Variants in PDZD4 observed in about 807,000 individuals in gnomAD.
PDZD4 encodes PDZ domain containing 4.
PDZD4 carries 9 observed loss-of-function variants against 38.5 expected under a neutral mutation model. The observed-to-expected ratio is 0.23, with a 90% CI of 0.14 to 0.41. The LOEUF (loss-of-function observed/expected upper bound fraction) is 0.41, where lower values mean the gene tolerates loss of function less well. Among genes scored for constraint, PDZD4 ranks in the 10% least tolerant of loss-of-function variants. PDZD4 has a pLI of 1.00. For synonymous variants in PDZD4, 349 were observed against 315.7 expected, an observed-to-expected ratio of 1.11 and a Z score of -1.12; for missense variants, 612 against 722.0, an observed-to-expected ratio of 0.85 and a Z score of 1.75.
At position 153,803,403 on chromosome X, in the gene PDZD4, C is replaced by T; in HGVS notation, c.2278G>A (p.Ala760Thr). 2 of 1,142,864 alleles carry T rather than the reference C, an allele frequency of 1.7e-6. No individual in the cohort carries two copies. Among genetic ancestry groups the T allele is most frequent in the South Asian group, 2.1e-5 (1 of 47,267 alleles). 94.2% of individuals were successfully genotyped at this position (1,142,864 alleles called of 1,213,427 possible). A position where few individuals can be genotyped will look rare whatever the true frequency, so the allele number is the denominator to read the frequency against. Reference protein sequence around the residue: ...QEMLAHGARSADGKRVYNPLL... With the variant: ...QEMLAHGARSTDGKRVYNPLL... The stretch of plus-strand genomic sequence containing the variant: ...GGGTTGTAGACCCGCTTGCCATCGG[C>T]GGAGCGCGCGCCGTGGGCCAGCATC... The change falls in exon 8 of 8, where the codon GCC becomes ACC. Residue 760 changes from alanine to threonine, a missense_variant. Ala to Thr is a moderately conservative substitution (Grantham distance 58, BLOSUM62 0). Coordinates refer to ENST00000393758, the MANE Select transcript of PDZD4 (RefSeq NM_001303512.2).
chrX:153,806,078 A>T lies in PDZD4; in HGVS notation c.560T>A (p.Ile187Asn). 1 of 1,211,732 alleles carries T rather than the reference A, an allele frequency of 8.3e-7. No homozygotes were observed. Among genetic ancestry groups the T allele is most frequent in the Non-Finnish European group, 1.1e-6 (1 of 895,457 alleles). Residue 187 changes from isoleucine (I) to asparagine (N), a missense_variant, in exon 5 of 8, where the codon ATC becomes AAC. By Grantham distance (149) the Ile-to-Asn change is moderately radical. This residue lies in a region of PDZD4 where 225 missense variants were observed against 311.0 expected (regional missense o/e 0.72). Transcript: ENST00000393758. ...CAGCCTGCAAGTGCTCACCTGGATG[A>T]TGCGGTCTCCCTCACGGATCCGGCC... ...KDGRIREGDR[I>N]IQINGVDVQN...
chrX:153,812,607 C>T (rs1276866968), intron 1 of PDZD4, among the ~76,000 whole-genome samples: 6 of 110,947 alleles, frequency 5.4e-5, no homozygotes, highest in Non-Finnish European at 7.6e-5. Flanking sequence ...GAAGCCTTCT[C>T]GCTCTCTCTC....
At chrX:153,818,493 G>A (rs983504891) in intron 1 of PDZD4, among the ~76,000 whole-genome samples, 1 of 111,508 alleles carries the variant, frequency 9.0e-6, no homozygotes, top group Non-Finnish European at 1.9e-5. Context: ...GCAAAAGCAT[G>A]AGATGGAGGA....
chrX:153,808,360 G>C lies in PDZD4; in HGVS notation c.296C>G (p.Pro99Arg). Residue 99 changes from proline (P) to arginine (R), a missense_variant, in exon 2 of 8, where the codon CCG becomes CGG. Pro to Arg is a moderately radical substitution (Grantham distance 103). Coordinates refer to ENST00000393758, the MANE Select transcript of PDZD4 (RefSeq NM_001303512.2). ...PPTPPMVILE[P>R]YVLSELPPIS... ...GACTCACAGCTCAGAGAGGACGTACGGCTCCAGGATGACCATGGGCGGGGT... is the reference window on the plus strand; with the variant it reads ...GACTCACAGCTCAGAGAGGACGTACCGCTCCAGGATGACCATGGGCGGGGT... 1 of 1,209,430 alleles carries C rather than the reference G, an allele frequency of 8.3e-7. No homozygotes were observed. Among genetic ancestry groups the C allele is most frequent in the Non-Finnish European group, 1.1e-6 (1 of 894,494 alleles).
At position 153,804,252 on chromosome X, in the gene PDZD4, A is replaced by C; in HGVS notation, c.1429T>G (p.Tyr477Asp). Residue 477 changes from tyrosine (Y) to aspartate (D), a missense_variant, in exon 8 of 8, where the codon TAC becomes GAC. By Grantham distance (160) the Tyr-to-Asp change is radical. Around this residue, in one of 3 missense-constraint regions of PDZD4, gnomAD observed 300 missense variants for 284.6 expected, o/e 1.05. Coordinates refer to ENST00000393758, the MANE Select transcript of PDZD4 (RefSeq NM_001303512.2). ...CTGCGGCAGCTCTCCCCAGTGTTGT[A>C]GGCGCTGGTGCTGTCCTTGTCCGAC... ...EKSDKDSTSAYNTGESCRSTP... is the reference protein window; with the variant it reads ...EKSDKDSTSADNTGESCRSTP... 1 of 1,208,351 alleles carries C rather than the reference A, an allele frequency of 8.3e-7. No individual in the cohort carries two copies. Among genetic ancestry groups the C allele is most frequent in the Non-Finnish European group, 1.1e-6 (1 of 894,654 alleles).
intron 1 of PDZD4, among the ~76,000 whole-genome samples, chrX:153,825,228 AC>A (rs2064468723): frequency 9.0e-6 from 1 of 111,615 alleles, no homozygotes; most frequent in Admixed American, 9.5e-5. Context: ...GTCCTGACCC[AC>A]TCCCCCTGTA....
rs2092187632 is a variant in PDZD4 at position 153,803,422 on chromosome X, C to T, written c.2259G>A (p.Leu753=). 1 of 1,146,053 alleles carries T rather than the reference C, an allele frequency of 8.7e-7. No homozygotes were observed. Among genetic ancestry groups the T allele is most frequent in the Middle Eastern group, 2.5e-4 (1 of 4,023 alleles). The allele number at this position is 1,146,053 out of a possible 1,213,427, so 94.4% of individuals were successfully genotyped here. ...CATCGGCGGAGCGCGCGCCGTGGGCCAGCATCTCCTGGATGGTGATCCAGT... is the reference window on the plus strand; with the variant it reads ...CATCGGCGGAGCGCGCGCCGTGGGCTAGCATCTCCTGGATGGTGATCCAGT... ...LDNWITIQEM[L]AHGARSADGK... The change falls in exon 8 of 8, where the codon CTG becomes CTA. Residue 753 remains leucine, a synonymous_variant. Coordinates refer to ENST00000393758, the MANE Select transcript of PDZD4 (RefSeq NM_001303512.2).
At chrX:153,808,238 C>T (rs1484017815) in intron 2 of PDZD4, 104 bp downstream of exon 2, 9 of 1,083,641 alleles carry the variant, frequency 8.3e-6, no homozygotes, top group Admixed American at 7.1e-5. Flanking sequence ...TTCTGGAGGC[C>T]GAGGGGCCTG....
intron 1 of PDZD4, among the ~76,000 whole-genome samples, chrX:153,809,536 G>A (rs573036168): frequency 2.7e-4 from 30 of 112,551 alleles, no homozygotes; most frequent in African/African-American, 8.1e-4. Context: ...GCAGTGAGCC[G>A]AGATCGCACC....
Position 153,807,282 on chromosome X carries a change from A to G in PDZD4, c.402T>C (p.Tyr134=), listed in dbSNP as rs2064261474. 8.3e-7 allele frequency: 1 copy of G among 1,209,469 alleles called. No homozygotes were observed. Residue 134 remains tyrosine (Y), a synonymous_variant, in exon 3 of 8, where the codon TAT becomes TAC. Transcript: ENST00000393758. ...CTGGCCTGGCCACCCGGCTCACCTC[A>G]TACTCCAGCTCATCCAAGCGGTCTG... ...QEADRLDELE[Y]EEVELYKSSH...
chrX:153,821,083 G>A (rs2064418404), intron 1 of PDZD4, among the ~76,000 whole-genome samples: 1 of 112,295 alleles, frequency 8.9e-6, no homozygotes, highest in Non-Finnish European at 1.9e-5. Flanking sequence ...GGACAAAGAG[G>A]TGACAGGCCC....
chrX:153,829,925 T>G (rs1339513252), intron 1 of PDZD4: 1 of 815,566 alleles, frequency 1.2e-6, no homozygotes, highest in African/African-American at 2.2e-5. Context: ...TCCCCCGCCC[T>G]GGGTCCTGCG....
At position 153,803,938 on chromosome X, in the gene PDZD4, G is replaced by A; in HGVS notation, c.1743C>T (p.Gly581=). 1 of 1,167,663 alleles carries A rather than the reference G, an allele frequency of 8.6e-7. No homozygotes were observed. The highest frequency in any genetic ancestry group is 1.1e-6 in the Non-Finnish European group (1 of 875,059). ...PYLSRRHRGQ[G]QEGEHYHSCV... is the part of the protein sequence containing the mutation. Reference sequence around the variant, plus strand: ...AGCTGTGGTAGTGCTCGCCCTCCTGGCCCTGGCCGCGGTGGCGCCGCGAGA... The same window carrying A: ...AGCTGTGGTAGTGCTCGCCCTCCTGACCCTGGCCGCGGTGGCGCCGCGAGA... The change falls in exon 8 of 8, where the codon GGC becomes GGT. Residue 581 remains glycine (G), a synonymous_variant. Coordinates refer to ENST00000393758, the MANE Select transcript of PDZD4 (RefSeq NM_001303512.2).
In PDZD4 at chrX:153,804,491, C is replaced by A. The variant is rs781935062; in HGVS notation, c.1190G>T (p.Arg397Leu). Residue 397 changes from arginine to leucine, a missense_variant, in exon 8 of 8, where the codon CGC becomes CTC. Transcript: ENST00000393758. ...CATCTCGTGGCCCAGGCTCTCGTTGCGGTTGACGTCCAGGGCGCTGTTGCC... is the reference window on the plus strand; with the variant it reads ...CATCTCGTGGCCCAGGCTCTCGTTGAGGTTGACGTCCAGGGCGCTGTTGCC... ...SGGNSALDVN[R>L]NESLGHEMAM... is the part of the protein sequence containing the mutation. 2 of 1,210,152 alleles carry A rather than the reference C, an allele frequency of 1.7e-6. No homozygotes were observed. Among genetic ancestry groups the A allele is most frequent in the Admixed American group, 4.3e-5 (2 of 46,125 alleles).
intron 1 of PDZD4, among the ~76,000 whole-genome samples, chrX:153,821,640 T>C (rs782224316): frequency 1.8e-5 from 2 of 111,188 alleles, no homozygotes; most frequent in Admixed American, 1.9e-4. Flanking sequence ...CCAGGCCCCA[T>C]GCTAGTGGCT....
At chrX:153,805,736 T>A in intron 5 of PDZD4, 130 bp from the exon 6 acceptor site, 2 of 532,862 alleles carry the variant, frequency 3.8e-6, no homozygotes, top group South Asian at 2.7e-5. Flanking sequence ...TGGGAGGATG[T>A]AACTAAGTGG....
rs146551513 is a variant in PDZD4, at chrX:153,803,572, G to C, written c.2109C>G (p.Phe703Leu). The change falls in exon 8 of 8, where the codon TTC (phenylalanine) becomes TTG (leucine). Residue 703 changes from phenylalanine to leucine, a missense_variant. Coordinates refer to ENST00000393758, the MANE Select transcript of PDZD4 (RefSeq NM_001303512.2). ...GGCACTCCAGCCGGCTCTGCATCATGAACTCGCGCCGCTTCCGCTGCTCAC... is the reference window on the plus strand; with the variant it reads ...GGCACTCCAGCCGGCTCTGCATCATCAACTCGCGCCGCTTCCGCTGCTCAC... ...RAREQRKRRE[F>L]MMQSRLECLR... 448 of 1,209,050 alleles carry C rather than the reference G, an allele frequency of 3.7e-4. 1 individual carries two copies. The African/African-American group carries it at 6.9e-3, about 19-fold the overall frequency.
At chrX:153,825,235 C>T (rs1252695282) in intron 1 of PDZD4, among the ~76,000 whole-genome samples, 1 of 112,439 alleles carries the variant, frequency 8.9e-6, no homozygotes, top group Admixed American at 9.4e-5. Flanking sequence ...CCCACTCCCC[C>T]TGTAAAGCCT....
At chrX:153,804,974 G>T in intron 7 of PDZD4, 74 bp from the exon 8 acceptor site, 1 of 1,130,478 alleles carries the variant, frequency 8.8e-7, no homozygotes, top group Non-Finnish European at 1.2e-6. Context: ...CAGGAGGATC[G>T]GAAGGGGCTT....
Sources: gnomAD v4.1 joint callset for allele counts (sites outside exome capture counted in the v4.1 genomes callset) on GRCh38, gnomAD v4.1.1 for gene constraint, gnomAD v4.1.1 regional missense constraint, MANE v1.5 for transcripts, NCBI Gene and HGNC (gene_info 2026-07-23, HGNC 2026-07-21) for gene names.